The following KCNJ12 variants were observed in gnomAD, a reference collection of about 807,000 sequenced individuals.
KCNJ12 encodes ATP-sensitive inward rectifier potassium channel 12.
Under a neutral mutation model 22.3 loss-of-function variants are expected in KCNJ12, and 2 were observed. The observed-to-expected ratio is 0.09, with a 90% confidence interval of 0.04 to 0.28. KCNJ12 has a LOEUF of 0.28. KCNJ12 is among the 10% of genes least tolerant of loss of function. The probability of loss-of-function intolerance (pLI) is 1.00; values close to 1 mark genes in which losing one functional copy is unlikely to be tolerated. For synonymous variants in KCNJ12, 117 were observed against 261.4 expected, an observed-to-expected ratio of 0.45 and a Z score of 5.33; for missense variants, 155 against 633.3, an observed-to-expected ratio of 0.24 and a Z score of 8.11.
At chr17:21,394,273 G>A (rs1311771726) in intron 1 of KCNJ12, among the ~76,000 whole-genome samples, 1 of 152,110 alleles carries the variant, frequency 6.6e-6, no homozygotes, top group Non-Finnish European at 1.5e-5. Context: ...ACTATGTATA[G>A]ATACACAAAT....
intron 1 of KCNJ12, among the ~76,000 whole-genome samples, chr17:21,393,297 G>T (rs1485351598): frequency 1.3e-5 from 2 of 152,154 alleles, no homozygotes; most frequent in African/African-American, 4.8e-5. Flanking sequence ...CAGTAGAGGG[G>T]TCTGGCTCTG....
At chr17:21,407,907 T>C (rs1250574414) in intron 1 of KCNJ12, among the ~76,000 whole-genome samples, 3 of 152,216 alleles carry the variant, frequency 2.0e-5, no homozygotes, top group African/African-American at 7.2e-5. Context: ...CCCACCCATG[T>C]ATTCATTCAT....
chr17:21,377,357 A>G (rs1040784385), intron 1 of KCNJ12, among the ~76,000 whole-genome samples: 3 of 152,080 alleles, frequency 2.0e-5, no homozygotes, highest in African/African-American at 7.2e-5. Context: ...CCCGGGCTAT[A>G]TGAGCCGCCC....
At chr17:21,384,699 C>A (rs1555558439) in intron 1 of KCNJ12, among the ~76,000 whole-genome samples, 1 of 151,692 alleles carries the variant, frequency 6.6e-6, no homozygotes, top group African/African-American at 2.4e-5. Flanking sequence ...TGTTCCCTCA[C>A]TGTCTTCAGG....
intron 1 of KCNJ12, among the ~76,000 whole-genome samples, chr17:21,388,460 T>C (rs1480818505): frequency 1.3e-5 from 2 of 152,162 alleles, no homozygotes; most frequent in Non-Finnish European, 2.9e-5. Context: ...TAGGTGGGAT[T>C]GCTATAATGC....
intron 1 of KCNJ12, among the ~76,000 whole-genome samples, chr17:21,386,783 G>A (rs1555558700): frequency 6.6e-6 from 1 of 152,214 alleles, no homozygotes; most frequent in Non-Finnish European, 1.5e-5. Flanking sequence ...TAGGATTACA[G>A]GTGTGAATCA....
At chr17:21,388,057 G>A (rs1555558900) in intron 1 of KCNJ12, among the ~76,000 whole-genome samples, 1 of 152,146 alleles carries the variant, frequency 6.6e-6, no homozygotes, top group East Asian at 1.9e-4. Context: ...TCTGCTTGGC[G>A]TCTCCTTTGT....
rs1906861335 is a variant in KCNJ12, at chr17:21,416,787, C to T, written c.*143C>T. 2.7e-5 allele frequency: 38 copies of T among 1,385,358 alleles called. No individual in the cohort carries two copies. Among genetic ancestry groups the T allele is most frequent in the Non-Finnish European group, 9.6e-7 (1 of 1,042,202 alleles). The allele number at this position is 1,385,358 out of a possible 1,614,324, so 85.8% of individuals were successfully genotyped here. A position where few individuals can be genotyped will look rare whatever the true frequency, so the allele number is the denominator to read the frequency against. ...GTTTTAGTCGTTTTATGTTTCTTTG[C>T]AACGGCCTCAGAAGTTTGGCCGGAG... On this transcript the variant is annotated 3_prime_UTR_variant, in exon 3 of 3. Transcript: ENST00000583088.
At chr17:21,387,142 C>T (rs554500220) in intron 1 of KCNJ12, among the ~76,000 whole-genome samples, 3 of 149,644 alleles carry the variant, frequency 2.0e-5, no homozygotes, top group South Asian at 4.2e-4. Flanking sequence ...GGTGACAGAG[C>T]GAGACTCCGT....
chr17:21,410,873 G>A (rs1597579344), intron 2 of KCNJ12, among the ~76,000 whole-genome samples: 1 of 152,310 alleles, frequency 6.6e-6, no homozygotes, highest in South Asian at 2.1e-4. Flanking sequence ...TGATGGAAGG[G>A]ATTAAATGAA....
chr17:21,377,192 T>C (rs1555557370), intron 1 of KCNJ12, among the ~76,000 whole-genome samples: 2 of 152,018 alleles, frequency 1.3e-5, no homozygotes, highest in African/African-American at 4.8e-5. Context: ...TGGGGGGCGC[T>C]CCGGGAAACT....
At chr17:21,386,900 A>T (rs1019711835) in intron 1 of KCNJ12, among the ~76,000 whole-genome samples, 4 of 152,222 alleles carry the variant, frequency 2.6e-5, no homozygotes, top group African/African-American at 7.2e-5. Context: ...GGCTCTTTTC[A>T]TCTGAATAAA....
intron 1 of KCNJ12, among the ~76,000 whole-genome samples, chr17:21,382,911 C>T (rs1040855106): frequency 1.3e-5 from 2 of 152,186 alleles, no homozygotes; most frequent in Non-Finnish European, 2.9e-5. Flanking sequence ...CAGGAGGGTG[C>T]GACGTGACAC....
At chr17:21,408,839 C>T (rs1162389770) in intron 2 of KCNJ12, among the ~76,000 whole-genome samples, 199 bp downstream of exon 2, 1 of 152,304 alleles carries the variant, frequency 6.6e-6, no homozygotes, top group Non-Finnish European at 1.5e-5. Flanking sequence ...GCCATCCGTT[C>T]CTCACCCATT....
At chr17:21,381,251 G>C (rs1384810156) in intron 1 of KCNJ12, among the ~76,000 whole-genome samples, 3 of 152,096 alleles carry the variant, frequency 2.0e-5, no homozygotes, top group African/African-American at 4.8e-5. Context: ...CTGCAGCCCA[G>C]GCCTCTTTGA....
chr17:21,392,090 C>T (rs1292117829), intron 1 of KCNJ12, among the ~76,000 whole-genome samples: 1 of 152,198 alleles, frequency 6.6e-6, no homozygotes, highest in African/African-American at 2.4e-5. Context: ...GGACAACTTC[C>T]TTCCCTCTCT....
chr17:21,387,080 CG>C (rs1184358876), intron 1 of KCNJ12, among the ~76,000 whole-genome samples: 1 of 148,794 alleles, frequency 6.7e-6, no homozygotes, highest in Admixed American at 6.7e-5. Flanking sequence ...GGCGTGAACC[CG>C]GGGGGCGGAG....
At chr17:21,397,860 G>A (rs1047533737) in intron 1 of KCNJ12, among the ~76,000 whole-genome samples, 13 of 152,356 alleles carry the variant, frequency 8.5e-5, no homozygotes, top group Admixed American at 2.0e-4. Flanking sequence ...ATTAGCAAGT[G>A]GACCAGGAGC....
intron 1 of KCNJ12, among the ~76,000 whole-genome samples, chr17:21,390,982 C>A (rs534917015): frequency 2.4e-4 from 36 of 152,350 alleles, no homozygotes; most frequent in South Asian, 8.3e-4. Flanking sequence ...CCTGCACCAT[C>A]CCCTGGCAGC....
Sources: gnomAD v4.1 joint callset for allele counts (sites outside exome capture counted in the v4.1 genomes callset) on GRCh38, gnomAD v4.1.1 for gene constraint, MANE v1.5 for transcripts, NCBI Gene and HGNC (gene_info 2026-07-23, HGNC 2026-07-21) for gene names.